The following KMO variants were observed in gnomAD, a reference collection of about 807,000 sequenced individuals.
The protein encoded by KMO is kynurenine 3-hydroxylase.
In KMO, 24 loss-of-function variants were observed where a neutral mutation model predicts 57.8. The ratio of observed to expected loss-of-function variants is 0.42; its 90% CI spans 0.30 to 0.58. The LOEUF (loss-of-function observed/expected upper bound fraction) is 0.58. Ranked by LOEUF, KMO falls within the 20% of genes least tolerant of loss-of-function variation. KMO has a pLI of 0.22. For missense variants in KMO, 483 were observed against 588.2 expected, an observed-to-expected ratio of 0.82 and a Z score of 1.85; for synonymous variants, 210 against 193.6, an observed-to-expected ratio of 1.08 and a Z score of -0.70.
chr1:241,547,976 T>G (rs1167039675), intron 1 of KMO, among the ~76,000 whole-genome samples: 1 of 152,106 alleles, frequency 6.6e-6, no homozygotes, highest in East Asian at 1.9e-4. Flanking sequence ...GATCTTTCAT[T>G]TAATGAAGAA....
intron 1 of KMO, among the ~76,000 whole-genome samples, chr1:241,537,659 G>C (rs1660795892): frequency 6.6e-6 from 1 of 152,098 alleles, no homozygotes; most frequent in African/African-American, 2.4e-5. Context: ...AGGTTTAATG[G>C]ACTCAGTTCC....
intron 10 of KMO, among the ~76,000 whole-genome samples, chr1:241,585,679 C>T (rs1443471555): frequency 6.6e-6 from 1 of 151,320 alleles, no homozygotes; most frequent in Non-Finnish European, 1.5e-5. Flanking sequence ...ATCATTTGAA[C>T]CTAACAGGTG....
At chr1:241,538,762 C>G (rs1014806359) in intron 1 of KMO, among the ~76,000 whole-genome samples, 1 of 152,198 alleles carries the variant, frequency 6.6e-6, no homozygotes, top group African/African-American at 2.4e-5. Context: ...ATCCCACTCT[C>G]ACCTCAGGGA....
At chr1:241,562,108 C>T (rs1357371160) in intron 6 of KMO, 59 bp from the exon 7 acceptor site, 2 of 1,438,688 alleles carry the variant, frequency 1.4e-6, no homozygotes, top group Non-Finnish European at 1.9e-6. Context: ...CCCAGAGGTA[C>T]ATCATCATTT....
At chr1:241,549,260 A>AGTAAGACG (rs780673892) in intron 2 of KMO, among the ~76,000 whole-genome samples, 2 of 139,036 alleles carry the variant, frequency 1.4e-5, no homozygotes, top group South Asian at 2.3e-4. Flanking sequence ...AAAGAAAGAA[A>AGTAAGACG]GAAAGAAAGG....
chr1:241,538,840 T>C (rs1660843492), intron 1 of KMO, among the ~76,000 whole-genome samples: 1 of 152,212 alleles, frequency 6.6e-6, no homozygotes, highest in African/African-American at 2.4e-5. Flanking sequence ...CCAACAACTT[T>C]AGACAGCTCC....
At chr1:241,576,030 T>C (rs1415435616) in intron 10 of KMO, among the ~76,000 whole-genome samples, 1 of 151,772 alleles carries the variant, frequency 6.6e-6, no homozygotes, top group Non-Finnish European at 1.5e-5. Context: ...TTGTCTTTTT[T>C]TTTTTTTAAC....
At chr1:241,560,453 A>C (rs921071233) in intron 5 of KMO, among the ~76,000 whole-genome samples, 1 of 152,214 alleles carries the variant, frequency 6.6e-6, no homozygotes, top group African/African-American at 2.4e-5. Flanking sequence ...GATGAGGATA[A>C]TTGATTTTTA....
intron 1 of KMO, among the ~76,000 whole-genome samples, 181 bp from the exon 2 acceptor site, chr1:241,548,648 T>C (rs1331980972): frequency 2.0e-5 from 3 of 152,112 alleles, no homozygotes; most frequent in African/African-American, 7.2e-5. Flanking sequence ...TTGCTATTTT[T>C]GCCACTGATA....
At chr1:241,591,862 C>T in intron 14 of KMO, 91 bp from the exon 15 acceptor site, 1 of 944,838 alleles carries the variant, frequency 1.1e-6, no homozygotes, top group African/African-American at 1.6e-5. Flanking sequence ...ACAAAGAGGA[C>T]ATTGTTTACC....
chr1:241,571,943 T>C (rs1662298772), intron 10 of KMO, among the ~76,000 whole-genome samples: 1 of 143,198 alleles, frequency 7.0e-6, no homozygotes, highest in Admixed American at 7.5e-5. Context: ...CTCTGCCGAC[T>C]GCAACCTCCA....
At chr1:241,580,892 T>C (rs1006436401) in intron 10 of KMO, among the ~76,000 whole-genome samples, 3 of 152,134 alleles carry the variant, frequency 2.0e-5, no homozygotes, top group Admixed American at 6.5e-5. Context: ...CTTTATTTTA[T>C]GTCTTGATGA....
chr1:241,566,606 T>C lies in KMO; in HGVS notation c.803T>C (p.Ile268Thr). ...QKYFPDAIPL[I>T]GEKLLVQDFF... ...TACTTTCCGGATGCCATCCCTCTAA[T>C]TGGAGAGTAAGTTGCAAGATGTGCC... Residue 268 changes from isoleucine (I) to threonine (T), a missense_variant, in exon 9 of 15, where the codon ATT (isoleucine) becomes ACT (threonine). Ile to Thr is a moderately conservative substitution (Grantham distance 89, BLOSUM62 -1). Transcript: ENST00000366559. 6.2e-7 allele frequency: 1 copy of C among 1,613,824 alleles called. No homozygotes were observed. Among genetic ancestry groups the C allele is most frequent in the Non-Finnish European group, 8.5e-7 (1 of 1,179,790 alleles).
At chr1:241,544,805 A>C (rs891566745) in intron 1 of KMO, among the ~76,000 whole-genome samples, 1 of 152,188 alleles carries the variant, frequency 6.6e-6, no homozygotes, top group Non-Finnish European at 1.5e-5. Flanking sequence ...ACTTAAACAC[A>C]TAATTATTTT....
chr1:241,590,335 G>C, intron 14 of KMO, 72 bp downstream of exon 14: 1 of 1,226,878 alleles, frequency 8.2e-7, no homozygotes, highest in Non-Finnish European at 1.2e-6. Flanking sequence ...GATTATGTTT[G>C]TTTCCAACAA....
chr1:241,560,981 C>A (rs1411084784), intron 6 of KMO, among the ~76,000 whole-genome samples: 1 of 152,220 alleles, frequency 6.6e-6, no homozygotes, highest in Non-Finnish European at 1.5e-5. Context: ...TCCTACTGTA[C>A]TGTATTCCAC....
At chr1:241,552,935 G>A (rs114894584) in intron 4 of KMO, among the ~76,000 whole-genome samples, 1,991 of 152,260 alleles carry the variant, frequency 0.013, 57 homozygotes, top group African/African-American at 0.046. Flanking sequence ...GAGCTCCTCA[G>A]TTCTTAATCC....
intron 5 of KMO, 125 bp downstream of exon 5, chr1:241,555,785 A>G: frequency 1.7e-6 from 1 of 587,450 alleles, no homozygotes; most frequent in Non-Finnish European, 3.1e-6. Flanking sequence ...AAGACTATGT[A>G]CACTACAAAG....
chr1:241,549,019 C>A, intron 2 of KMO, 121 bp downstream of exon 2: 1 of 633,924 alleles, frequency 1.6e-6, no homozygotes. Flanking sequence ...GGCAACATGG[C>A]AAAACCCCAT....
Sources: gnomAD v4.1 joint callset for allele counts (sites outside exome capture counted in the v4.1 genomes callset) on GRCh38, gnomAD v4.1.1 for gene constraint, MANE v1.5 for transcripts, NCBI Gene and HGNC (gene_info 2026-07-23, HGNC 2026-07-21) for gene names.